The following CD207 variants were observed in gnomAD, a reference collection of about 807,000 sequenced individuals.
CD207 encodes C-type lectin domain family 4 member K.
CD207 carries 28 observed loss-of-function variants against 31.6 expected under a neutral mutation model. The observed-to-expected ratio is 0.89, with a 90% CI of 0.66 to 1.21. The LOEUF is 1.21. CD207 is among the 50% of genes most tolerant of loss of function. The pLI is 0.00. For synonymous variants in CD207, 168 were observed against 153.9 expected (o/e 1.09, Z -0.68); for missense variants, 388 against 397.8 (o/e 0.98, Z 0.21).
At chr2:70,833,485 C>T (rs1677527381) in intron 3 of CD207, among the ~76,000 whole-genome samples, 161 bp downstream of exon 3, 2 of 152,098 alleles carry the variant, frequency 1.3e-5, no homozygotes, top group Admixed American at 1.3e-4. Context: ...CTAAGTCCTC[C>T]CCAACCTCAA....
chr2:70,835,730 T>C lies in CD207; in HGVS notation c.47A>G (p.Lys16Arg), dbSNP rs1677603098. 1.2e-6 allele frequency: 2 copies of C among 1,613,300 alleles called. No homozygotes were observed. The highest frequency in any genetic ancestry group is 1.7e-6 in the Non-Finnish European group (2 of 1,179,666). Reference sequence around the variant, plus strand: ...TCGGGGCCAGAGGGAGATGTTCTGTTTGTCCACAGTGAAGTGCGCATCAGG... The same window carrying C: ...TCGGGGCCAGAGGGAGATGTTCTGTCTGTCCACAGTGAAGTGCGCATCAGG... ...EAPDAHFTVD[K>R]QNISLWPREP... Residue 16 changes from lysine (K) to arginine (R), a missense_variant, in exon 1 of 6, where the codon AAA becomes AGA. Coordinates refer to ENST00000410009, the MANE Select transcript of CD207 (RefSeq NM_015717.5).
At chr2:70,829,772 T>C (rs1283230422), downstream of CD207, among the ~76,000 whole-genome samples, 1 of 152,166 alleles carries the variant, frequency 6.6e-6, no homozygotes, top group African/African-American at 2.4e-5. Flanking sequence ...GAAGCATCTT[T>C]TCCTGAGGAC....
chr2:70,831,593 G>T, intron 5 of CD207, 108 bp downstream of exon 5: 1 of 768,310 alleles, frequency 1.3e-6, no homozygotes. Context: ...CTCTAAGACA[G>T]GGAAGAATCA....
At position 70,833,826 on chromosome 2, in the gene CD207, T is replaced by C; in HGVS notation, c.385A>G (p.Ser129Gly). The change falls in exon 3 of 6, where the codon AGT becomes GGT. Residue 129 changes from serine (S) to glycine (G), a missense_variant. Physicochemically the swap from Ser to Gly is moderately conservative, Grantham distance 56. Coordinates refer to ENST00000410009, the MANE Select transcript of CD207 (RefSeq NM_015717.5). ...ATCTGTGCGTTGGCCTTCTCCACAC[T>C]GGTTTTTAACTTCAGGAACTGAGAA... ...VRSQFLKLKT[S>G]VEKANAQIQI... 6.2e-7 allele frequency: 1 copy of C among 1,614,036 alleles called. No homozygotes were observed. The highest frequency in any genetic ancestry group is 8.5e-7 in the Non-Finnish European group (1 of 1,179,878).
chr2:70,824,621 C>CA, the CD207 span, among the ~76,000 whole-genome samples: 67 of 38,268 alleles, frequency 1.8e-3, 1 homozygote, highest in South Asian at 3.8e-3. Context: ...TGCTTAGTTA[C>CA]CAAAAAAAAA....
In CD207 at chr2:70,835,610, G is replaced by C; in HGVS notation, c.74-3C>G. ...TGGACCGGACTTGGGAGGAGGCTCT[G>C]TTGGAAGAAGAAGAAAATGTGTGTT... On this transcript the variant is annotated splice_polypyrimidine_tract_variant and splice_region_variant and intron_variant, in intron 1 of 5. Coordinates refer to ENST00000410009, the MANE Select transcript of CD207 (RefSeq NM_015717.5). The C allele has an allele frequency of 1.2e-6, 2 of 1,613,110 alleles. No homozygotes were observed. Among genetic ancestry groups the C allele is most frequent in the Non-Finnish European group, 1.7e-6 (2 of 1,179,082 alleles).
rs6712863 is a variant in CD207 at position 70,832,906 on chromosome 2, A to G, written c.711T>C (p.Ser237=). 0.096 allele frequency: 154,110 copies of G among 1,612,684 alleles called. 9,552 individuals are homozygous for G. The highest frequency in any genetic ancestry group is 0.29 in the African/African-American group (21,373 of 74,874). ...CCATAGGCACAGCACTCACCTGCTCACTCTCTGAGGTCACCGAGGTCAGGT... is the reference window on the plus strand; with the variant it reads ...CCATAGGCACAGCACTCACCTGCTCGCTCTCTGAGGTCACCGAGGTCAGGT... ...NSHLTSVTSE[S]EQEFLYKTAG... The change falls in exon 4 of 6, where the codon AGT becomes AGC. Residue 237 remains serine, a synonymous_variant. Coordinates refer to ENST00000410009, the MANE Select transcript of CD207 (RefSeq NM_015717.5).
Position 70,832,985 on chromosome 2 carries a change from A to G in CD207, c.632T>C (p.Leu211Pro), listed in dbSNP as rs782417032. ...YFKGNFYYFS[L>P]IPKTWYSAEQ... is the part of the protein sequence containing the mutation. ...GGCACTATACCAGGTCTTTGGAATG[A>G]GAGAAAAGTAATAGAAGTTCCCCTT... The change falls in exon 4 of 6, where the codon CTC (leucine) becomes CCC (proline). Residue 211 changes from leucine to proline, a missense_variant. Coordinates refer to ENST00000410009, the MANE Select transcript of CD207 (RefSeq NM_015717.5). 4 of 1,613,854 alleles carry G rather than the reference A, an allele frequency of 2.5e-6. No individual in the cohort carries two copies. The African/African-American group carries it at 5.3e-5, about 22-fold the overall frequency.
chr2:70,834,791 G>GA (rs201909753), intron 2 of CD207, among the ~76,000 whole-genome samples: 2,351 of 151,406 alleles, frequency 0.016, 42 homozygotes, highest in East Asian at 0.084. Flanking sequence ...CACAGAGGGA[G>GA]AAAAAAAAAC....
chr2:70,832,394 A>C (rs1677497943), intron 4 of CD207, among the ~76,000 whole-genome samples: 1 of 152,216 alleles, frequency 6.6e-6, no homozygotes, highest in Non-Finnish European at 1.5e-5. Context: ...GGGCCTGCCC[A>C]ATTTCTGCCT....
At chr2:70,827,324 C>T (rs1281877716), downstream of CD207, among the ~76,000 whole-genome samples, 1 of 151,856 alleles carries the variant, frequency 6.6e-6, no homozygotes, top group Admixed American at 6.6e-5. Context: ...AACAGAGATT[C>T]ATTCTGAGAC....
At position 70,831,042 on chromosome 2, in the gene CD207, C is replaced by CT. The variant is rs1553399633; in HGVS notation, c.*7dup. On this transcript the variant is annotated 3_prime_UTR_variant, in exon 6 of 6. Transcript: ENST00000410009. ...GAGCTCAAAGAGTGAGCTTGGGAGC[C>CT]TGTCCTGTCACGGTTCTGATGGGAC... 7.4e-6 allele frequency: 12 copies of CT among 1,611,168 alleles called. No homozygotes were observed. In the South Asian group the frequency reaches 1.3e-4, roughly 18 times the overall value.
intron 2 of CD207, among the ~76,000 whole-genome samples, chr2:70,834,347 A>G (rs1389594392): frequency 1.3e-5 from 2 of 152,026 alleles, no homozygotes; most frequent in Non-Finnish European, 2.9e-5. Context: ...GGAACATTTG[A>G]TAAAGGGTGC....
the CD207 span, among the ~76,000 whole-genome samples, chr2:70,824,814 G>A: frequency 1.3e-5 from 2 of 152,108 alleles, no homozygotes; most frequent in East Asian, 1.9e-4. Context: ...ATAAATGAAT[G>A]TCTGAGTAAG....
chr2:70,829,402 C>T (rs1457884747), downstream of CD207, among the ~76,000 whole-genome samples: 1 of 152,216 alleles, frequency 6.6e-6, no homozygotes, highest in East Asian at 1.9e-4. Context: ...GTGAACCAGC[C>T]AGGGCTGTGG....
downstream of CD207, among the ~76,000 whole-genome samples, chr2:70,828,426 G>C (rs2075224): frequency 0.31 from 47,816 of 152,130 alleles, 8,274 homozygotes; most frequent in East Asian, 0.52. Context: ...ACAGACTCCA[G>C]ATAAAAACAC....
At chr2:70,834,624 TCCCAGGC>T (rs1677561449) in intron 2 of CD207, among the ~76,000 whole-genome samples, 1 of 152,180 alleles carries the variant, frequency 6.6e-6, no homozygotes, top group Admixed American at 6.5e-5. Context: ...TCTGCTCAGG[TCCCAGGC>T]CTGGGTACCA....
At chr2:70,828,599 C>T (rs371968533), downstream of CD207, among the ~76,000 whole-genome samples, 63 of 152,298 alleles carry the variant, frequency 4.1e-4, no homozygotes, top group East Asian at 0.011. Flanking sequence ...CTTCAGGCTG[C>T]CCTCCGGGAC....
In CD207 at chr2:70,835,611, T is replaced by C. The variant is rs782152102; in HGVS notation, c.74-4A>G. ...GGACCGGACTTGGGAGGAGGCTCTG[T>C]TGGAAGAAGAAGAAAATGTGTGTTG... On this transcript the variant is annotated splice_polypyrimidine_tract_variant and splice_region_variant and intron_variant, in intron 1 of 5. Transcript: ENST00000410009. 4 of 1,613,310 alleles carry C rather than the reference T, an allele frequency of 2.5e-6. No homozygotes were observed. Among genetic ancestry groups the C allele is most frequent in the East Asian group, 2.2e-5 (1 of 44,888 alleles).
Sources: gnomAD v4.1 joint callset for allele counts (sites outside exome capture counted in the v4.1 genomes callset) on GRCh38, gnomAD v4.1.1 for gene constraint, MANE v1.5 for transcripts, NCBI Gene and HGNC (gene_info 2026-07-23, HGNC 2026-07-21) for gene names.